The following HOMER1 variants were observed in gnomAD, a reference collection of about 807,000 sequenced individuals.
The protein encoded by HOMER1 is homer scaffold protein 1, also known as homer protein homolog 1.
A neutral mutation model predicts 48.9 loss-of-function variants in HOMER1; 3 were observed. The ratio of observed to expected loss-of-function variants is 0.06; its 90% confidence interval spans 0.03 to 0.16. The LOEUF (loss-of-function observed/expected upper bound fraction) is 0.16. Ranked by LOEUF, HOMER1 falls within the 10% of genes least tolerant of loss-of-function variation. The probability of loss-of-function intolerance (pLI) is 1.00; values close to 1 mark genes in which losing one functional copy is unlikely to be tolerated. For missense variants in HOMER1, 247 were observed against 411.4 expected, an observed-to-expected ratio of 0.60 and a Z score of 3.46; for synonymous variants, 134 against 146.4, an observed-to-expected ratio of 0.92 and a Z score of 0.61.
At chr5:79,446,804 A>ATTTTT (rs35036295) in intron 4 of HOMER1, among the ~76,000 whole-genome samples, 3 of 101,694 alleles carry the variant, frequency 3.0e-5, no homozygotes, top group African/African-American at 8.0e-5. Context: ...CACTTGGCTA[A>ATTTTT]TTTTTTTTTT....
At chr5:79,404,422 C>A (rs1474559594) in intron 5 of HOMER1, among the ~76,000 whole-genome samples, 1 of 152,102 alleles carries the variant, frequency 6.6e-6, no homozygotes, top group African/African-American at 2.4e-5. Flanking sequence ...AACCTCGGAC[C>A]CAACACTCAA....
chr5:79,468,609 T>C (rs1275975088), intron 1 of HOMER1, among the ~76,000 whole-genome samples: 1 of 152,226 alleles, frequency 6.6e-6, no homozygotes, highest in African/African-American at 2.4e-5. Flanking sequence ...TTTCTGTAGC[T>C]ATTTCCTTAT....
At chr5:79,473,010 A>G (rs1471507070) in intron 1 of HOMER1, among the ~76,000 whole-genome samples, 2 of 152,216 alleles carry the variant, frequency 1.3e-5, no homozygotes, top group Non-Finnish European at 2.9e-5. Context: ...AACTACCAAT[A>G]TAGCTTTAAT....
chr5:79,377,809 TA>T (rs1231541365), intron 8 of HOMER1, among the ~76,000 whole-genome samples: 2 of 152,098 alleles, frequency 1.3e-5, no homozygotes, highest in Admixed American at 1.3e-4. Flanking sequence ...AAATAGGAAA[TA>T]AAAAATAGTT....
chr5:79,433,038 T>G (rs1240207490), intron 5 of HOMER1, among the ~76,000 whole-genome samples: 1 of 152,226 alleles, frequency 6.6e-6, no homozygotes, highest in Admixed American at 6.5e-5. Flanking sequence ...ATAAAGTCAC[T>G]TCTTGTGAAA....
intron 3 of HOMER1, among the ~76,000 whole-genome samples, chr5:79,448,562 G>A (rs1344592286): frequency 6.6e-6 from 1 of 151,904 alleles, no homozygotes; most frequent in African/African-American, 2.4e-5. Flanking sequence ...TTTCAACGAT[G>A]GTACTTTCCC....
At chr5:79,502,246 C>A (rs540541562) in intron 1 of HOMER1, among the ~76,000 whole-genome samples, 2 of 152,094 alleles carry the variant, frequency 1.3e-5, no homozygotes, top group Admixed American at 6.5e-5. Flanking sequence ...TCTCGATCTC[C>A]TGACCTGGTG....
chr5:79,473,842 T>C (rs1486077166), intron 1 of HOMER1, among the ~76,000 whole-genome samples: 1 of 152,160 alleles, frequency 6.6e-6, no homozygotes, highest in African/African-American at 2.4e-5. Context: ...ATACTAAGTA[T>C]GGCTAGACTA....
At chr5:79,507,294 T>C (rs1752805949) in intron 1 of HOMER1, among the ~76,000 whole-genome samples, 1 of 149,938 alleles carries the variant, frequency 6.7e-6, no homozygotes, top group East Asian at 2.0e-4. Flanking sequence ...GTAAGATAGA[T>C]GTGAAAATTT....
intron 1 of HOMER1, among the ~76,000 whole-genome samples, chr5:79,485,280 G>A (rs1752066993): frequency 6.6e-6 from 1 of 152,292 alleles, no homozygotes; most frequent in Admixed American, 6.5e-5. Flanking sequence ...GGGTGATAGA[G>A]GAATAGAAAA....
intron 1 of HOMER1, among the ~76,000 whole-genome samples, chr5:79,472,552 A>G (rs1751651623): frequency 6.6e-6 from 1 of 151,964 alleles, no homozygotes; most frequent in Admixed American, 6.6e-5. Context: ...AGGTAGGAGA[A>G]TCACTTGAGC....
At chr5:79,415,752 A>C (rs1749927283) in intron 5 of HOMER1, among the ~76,000 whole-genome samples, 1 of 152,350 alleles carries the variant, frequency 6.6e-6, no homozygotes, top group South Asian at 2.1e-4. Context: ...ATCACTCTAT[A>C]AATATTTCTG....
chr5:79,455,790 C>G (rs1751159491), intron 2 of HOMER1, among the ~76,000 whole-genome samples: 1 of 152,172 alleles, frequency 6.6e-6, no homozygotes, highest in Non-Finnish European at 1.5e-5. Context: ...CACTTCAAAC[C>G]TAGAATCTTA....
intron 4 of HOMER1, 56 bp downstream of exon 4, chr5:79,446,997 G>T: frequency 9.4e-7 from 1 of 1,068,322 alleles, no homozygotes; most frequent in African/African-American, 1.5e-5. Context: ...CTGGCATGAA[G>T]GATATTATCT....
intron 8 of HOMER1, among the ~76,000 whole-genome samples, chr5:79,381,582 A>G (rs1210734914): frequency 6.6e-6 from 1 of 152,208 alleles, no homozygotes; most frequent in Non-Finnish European, 1.5e-5. Context: ...ATACAAGAGA[A>G]TTGTAAAAAA....
chr5:79,501,642 A>G (rs1039179546), intron 1 of HOMER1, among the ~76,000 whole-genome samples: 1 of 152,246 alleles, frequency 6.6e-6, no homozygotes, highest in Non-Finnish European at 1.5e-5. Context: ...GTAAACTACT[A>G]TAAGGAGTTA....
chr5:79,505,759 T>TG lies in HOMER1; in HGVS notation c.5+7010dup, dbSNP rs929601415. On this transcript the variant is annotated intron_variant, in intron 1 of 8. Coordinates refer to ENST00000334082, the MANE Select transcript of HOMER1 (RefSeq NM_004272.5). ...AAAACATTGATTAGATTACTGGTTT[T>TG]GGGGGGTTTTATAAACAATTTTATT... 5.9e-5 allele frequency among the ~76,000 whole-genome samples: 9 copies of TG among 152,276 alleles called. No individual in the cohort carries two copies. In the South Asian group the frequency reaches 1.2e-3, roughly 21 times the overall value.
At chr5:79,483,502 A>G (rs1752004197) in intron 1 of HOMER1, among the ~76,000 whole-genome samples, 1 of 152,012 alleles carries the variant, frequency 6.6e-6, no homozygotes, top group African/African-American at 2.4e-5. Context: ...ACCTTAAAAA[A>G]AAAAAACTCT....
chr5:79,419,891 G>A (rs1750049867), intron 5 of HOMER1, among the ~76,000 whole-genome samples: 1 of 152,108 alleles, frequency 6.6e-6, no homozygotes, highest in East Asian at 1.9e-4. Context: ...AAAATTTTTA[G>A]CAACTGAGAA....
Sources: allele counts gnomAD v4.1 joint callset (sites outside exome capture counted in the v4.1 genomes callset), GRCh38; gene constraint gnomAD v4.1.1; transcripts MANE v1.5; gene names NCBI Gene and HGNC (gene_info 2026-07-23, HGNC 2026-07-21).